ZMIZ1: variants seen among roughly 807,000 people sequenced by gnomAD.
ZMIZ1 encodes the protein zinc finger MIZ domain-containing protein 1.
In ZMIZ1, 17 loss-of-function variants were observed where a neutral mutation model predicts 113.9. That is an observed-to-expected ratio of 0.15 (90% CI 0.10 to 0.22). The LOEUF (loss-of-function observed/expected upper bound fraction) is 0.22. Ranked by LOEUF, ZMIZ1 falls within the 10% of genes least tolerant of loss-of-function variation. The pLI, the probability that ZMIZ1 is intolerant of heterozygous loss-of-function variation, is 1.00. For synonymous variants in ZMIZ1, 607 were observed against 603.1 expected (o/e 1.01, Z -0.09); for missense variants, 1,059 against 1,477.8 (o/e 0.72, Z 4.65).
intron 6 of ZMIZ1, among the ~76,000 whole-genome samples, chr10:79,211,204 G>A (rs1032008994): frequency 4.6e-5 from 7 of 152,120 alleles, no homozygotes; most frequent in African/African-American, 1.7e-4. Context: ...CCTTTGAGGT[G>A]GGCAGGGAGT....
chr10:79,072,273 C>G (rs1451244867), intron 1 of ZMIZ1, among the ~76,000 whole-genome samples: 1 of 152,190 alleles, frequency 6.6e-6, no homozygotes, highest in Non-Finnish European at 1.5e-5. Context: ...CACGCACGCG[C>G]GCACGCACAC....
chr10:79,087,177 G>A (rs942711755), intron 1 of ZMIZ1, among the ~76,000 whole-genome samples: 3 of 152,254 alleles, frequency 2.0e-5, no homozygotes, highest in East Asian at 1.9e-4. Flanking sequence ...CGCATGTTGC[G>A]CACTGCACAA....
intron 2 of ZMIZ1, among the ~76,000 whole-genome samples, chr10:79,133,681 T>G (rs1192989497): frequency 2.0e-5 from 3 of 152,148 alleles, no homozygotes; most frequent in African/African-American, 7.2e-5. Flanking sequence ...CCCCTCCCCC[T>G]TATTCCTTGG....
At chr10:79,216,645 C>G (rs1240241338) in intron 7 of ZMIZ1, among the ~76,000 whole-genome samples, 7 of 152,176 alleles carry the variant, frequency 4.6e-5, no homozygotes, top group Non-Finnish European at 1.0e-4. Flanking sequence ...CTGAGGCTCA[C>G]AAACACAGAG....
In ZMIZ1 at chr10:79,083,602, C is replaced by T. The variant is rs549583388; in HGVS notation, c.-337+14332C>T. Among the ~76,000 whole-genome samples, 21 of 152,218 alleles carry T rather than the reference C, an allele frequency of 1.4e-4. 1 individual carries two copies. In the South Asian group the frequency reaches 2.7e-3, roughly 20 times the overall value. ...CCTCTAAGATCTCTGGCTGATGAGC[C>T]GAGAATAGACTGAAGGGACAAGGGT... is the stretch of plus-strand genomic sequence containing the variant. On this transcript the variant is annotated intron_variant, in intron 1 of 24. Transcript: ENST00000334512.
intron 4 of ZMIZ1, among the ~76,000 whole-genome samples, chr10:79,185,989 G>A (rs937553571): frequency 3.3e-5 from 5 of 152,092 alleles, no homozygotes; most frequent in Admixed American, 6.6e-5. Flanking sequence ...GACCCCAAGA[G>A]TTACTGTTAG....
chr10:79,265,900 G>A (rs1021593901), intron 7 of ZMIZ1, among the ~76,000 whole-genome samples: 1 of 152,142 alleles, frequency 6.6e-6, no homozygotes, highest in Non-Finnish European at 1.5e-5. Context: ...CTTGATCAAC[G>A]GAGCAGCCCA....
chr10:79,103,702 G>T (rs1843449344), intron 1 of ZMIZ1, among the ~76,000 whole-genome samples: 1 of 152,116 alleles, frequency 6.6e-6, no homozygotes, highest in South Asian at 2.1e-4. Flanking sequence ...CAGGCCCCAG[G>T]CTGGCAAGCC....
intron 7 of ZMIZ1, among the ~76,000 whole-genome samples, chr10:79,221,775 T>C (rs969280343): frequency 6.6e-6 from 1 of 152,090 alleles, no homozygotes; most frequent in Non-Finnish European, 1.5e-5. Flanking sequence ...GTTGAAATAA[T>C]CGAATAGGGA....
intron 1 of ZMIZ1, among the ~76,000 whole-genome samples, chr10:79,077,424 T>A (rs1407306787): frequency 1.8e-5 from 2 of 112,344 alleles, no homozygotes; most frequent in East Asian, 2.9e-4. Flanking sequence ...CCCAGAGAGG[T>A]GGTGGGATTG....
chr10:79,225,157 A>C (rs1207623863), intron 7 of ZMIZ1, among the ~76,000 whole-genome samples: 2 of 152,158 alleles, frequency 1.3e-5, no homozygotes, highest in Non-Finnish European at 2.9e-5. Flanking sequence ...TGTGTAGAAG[A>C]AGCACCCACA....
intron 24 of ZMIZ1, among the ~76,000 whole-genome samples, chr10:79,311,488 C>T (rs768444919): frequency 6.6e-6 from 1 of 152,176 alleles, no homozygotes; most frequent in African/African-American, 2.4e-5. Flanking sequence ...AGGAGGGTCC[C>T]TGCCCTCCCC....
chr10:79,209,392 C>T (rs1848454406), intron 6 of ZMIZ1, among the ~76,000 whole-genome samples: 1 of 152,236 alleles, frequency 6.6e-6, no homozygotes, highest in South Asian at 2.1e-4. Flanking sequence ...CCATGGAAGT[C>T]ACTCGAAGCT....
chr10:79,304,289 A>T (rs955150437), intron 19 of ZMIZ1, 114 bp downstream of exon 19: 1 of 1,341,324 alleles, frequency 7.5e-7, no homozygotes, highest in South Asian at 1.4e-5. Context: ...GAAGGACGTC[A>T]TGGAGATCAG....
chr10:79,193,479 C>G (rs372656602), intron 4 of ZMIZ1, among the ~76,000 whole-genome samples: 2 of 152,152 alleles, frequency 1.3e-5, no homozygotes, highest in African/African-American at 4.8e-5. Flanking sequence ...TTTTTCAGCT[C>G]TCACCACCCT....
At chr10:79,163,829 G>T (rs990033114) in intron 4 of ZMIZ1, among the ~76,000 whole-genome samples, 3 of 152,120 alleles carry the variant, frequency 2.0e-5, no homozygotes, top group South Asian at 4.2e-4. Flanking sequence ...TGCCTCTCCC[G>T]ATGGGGCCTG....
intron 19 of ZMIZ1, 87 bp from the exon 20 acceptor site, chr10:79,305,076 TG>T: frequency 6.9e-7 from 1 of 1,439,266 alleles, no homozygotes; most frequent in Non-Finnish European, 9.8e-7. Flanking sequence ...TTCTCTCTGG[TG>T]GGGAAGTTAT....
intron 6 of ZMIZ1, 32 bp from the exon 7 acceptor site, chr10:79,216,137 A>C (rs754471353): frequency 3.4e-5 from 49 of 1,437,822 alleles, no homozygotes; most frequent in Middle Eastern, 3.7e-4. Context: ...GGGCTCCGTG[A>C]CTCACCTGCC....
chr10:79,289,729 CTG>C, intron 8 of ZMIZ1, 44 bp from the exon 9 acceptor site: 2 of 1,561,514 alleles, frequency 1.3e-6, no homozygotes, highest in Non-Finnish European at 1.8e-6. Context: ...TGTCTTGAGT[CTG>C]TGCCTGCCAG....
Sources: allele counts gnomAD v4.1 joint callset (sites outside exome capture counted in the v4.1 genomes callset), GRCh38; gene constraint gnomAD v4.1.1; transcripts MANE v1.5; gene names NCBI Gene and HGNC (gene_info 2026-07-23, HGNC 2026-07-21).